The following FARS2 variants were observed in gnomAD, a reference collection of about 807,000 sequenced individuals.
FARS2 encodes the protein phenylalanine--tRNA ligase, mitochondrial.
In FARS2, 40 loss-of-function variants were observed where a neutral mutation model predicts 46.4. That is an observed-to-expected ratio of 0.86 (90% CI 0.67 to 1.12). The LOEUF (loss-of-function observed/expected upper bound fraction) is 1.12, where lower values mean the gene tolerates loss of function less well. Among genes scored for constraint, FARS2 ranks in the 50% most tolerant of loss-of-function variants. FARS2 has a pLI of 0.00. For missense variants in FARS2, 513 were observed against 567.9 expected, an observed-to-expected ratio of 0.90 and a Z score of 0.98; for synonymous variants, 234 against 214.9, an observed-to-expected ratio of 1.09 and a Z score of -0.78.
At chr6:5,520,095 C>T (rs1405296823) in intron 4 of FARS2, among the ~76,000 whole-genome samples, 1 of 152,076 alleles carries the variant, frequency 6.6e-6, no homozygotes, top group East Asian at 1.9e-4. Context: ...CCTCTCTTGG[C>T]CTGGAACTAA....
At position 5,535,001 on chromosome 6, in the gene FARS2, C is replaced by T. The variant is rs78224113; in HGVS notation, c.905-10179C>T. On this transcript the variant is annotated intron_variant, in intron 4 of 6. Coordinates refer to ENST00000274680, the MANE Select transcript of FARS2 (RefSeq NM_006567.5). ...TTCTCAACAGCAATGCACAGGGTTT[C>T]AGTTTCTCCACATCCTTCTCAACAC... Among the ~76,000 whole-genome samples the T allele has an allele frequency of 9.4e-3, 1,432 of 152,320 alleles. 22 individuals carry two copies. The highest frequency in any genetic ancestry group is 0.032 in the African/African-American group (1,349 of 41,554).
chr6:5,327,566 T>G (rs544429255), intron 1 of FARS2, among the ~76,000 whole-genome samples: 1 of 152,170 alleles, frequency 6.6e-6, no homozygotes, highest in South Asian at 2.1e-4. Flanking sequence ...CCTGCCACCA[T>G]GTAAGATATA....
intron 1 of FARS2, among the ~76,000 whole-genome samples, chr6:5,289,499 G>A (rs538263473): frequency 5.9e-5 from 9 of 152,342 alleles, no homozygotes; most frequent in African/African-American, 1.7e-4. Context: ...GGTTCCCACT[G>A]GTTACTTGGT....
At chr6:5,365,363 A>G (rs998083110) in intron 1 of FARS2, among the ~76,000 whole-genome samples, 1 of 106,384 alleles carries the variant, frequency 9.4e-6, no homozygotes, top group African/African-American at 3.8e-5. Context: ...GCAGAGTCTC[A>G]CTCTGTCACC....
intron 5 of FARS2, among the ~76,000 whole-genome samples, chr6:5,585,559 A>T (rs1322388284): frequency 6.6e-6 from 1 of 151,916 alleles, no homozygotes; most frequent in Non-Finnish European, 1.5e-5. Flanking sequence ...TGTAAGTGAG[A>T]TCATGTACTA....
Position 5,554,670 on chromosome 6 carries a change from A to G in FARS2, c.1065+9330A>G, listed in dbSNP as rs369901458. 6.6e-5 allele frequency among the ~76,000 whole-genome samples: 10 copies of G among 152,188 alleles called. No homozygotes were observed. The South Asian group carries it at 1.9e-3, about 28-fold the overall frequency. The stretch of plus-strand genomic sequence containing the variant: ...AGCCATTGAGCTAAATGCTTTGCCT[A>G]TGTTAGAGCTTTTATGCATCACAGT... On this transcript the variant is annotated intron_variant, in intron 5 of 6. Transcript: ENST00000274680.
At chr6:5,460,274 G>A (rs1265717446) in intron 4 of FARS2, among the ~76,000 whole-genome samples, 1 of 152,034 alleles carries the variant, frequency 6.6e-6, no homozygotes, top group African/African-American at 2.4e-5. Flanking sequence ...TGATCTTTTG[G>A]AGATGTCTGT....
chr6:5,402,401 G>A (rs1033494986), intron 2 of FARS2, among the ~76,000 whole-genome samples: 1 of 145,490 alleles, frequency 6.9e-6, no homozygotes, highest in African/African-American at 2.6e-5. Context: ...TGGGGGGTGG[G>A]TGGGAGAAAA....
chr6:5,387,183 G>A (rs1273859304), intron 2 of FARS2, among the ~76,000 whole-genome samples: 1 of 152,144 alleles, frequency 6.6e-6, no homozygotes, highest in African/African-American at 2.4e-5. Flanking sequence ...AGAGGAGAAA[G>A]AGCCTTTGGA....
intron 5 of FARS2, among the ~76,000 whole-genome samples, chr6:5,579,634 C>G (rs1230751229): frequency 6.6e-6 from 1 of 152,294 alleles, no homozygotes; most frequent in Non-Finnish European, 1.5e-5. Flanking sequence ...TATTTTTCCC[C>G]CAAACCAATA....
intron 4 of FARS2, among the ~76,000 whole-genome samples, chr6:5,493,063 G>A (rs1433368720): frequency 1.3e-5 from 2 of 151,932 alleles, no homozygotes; most frequent in Non-Finnish European, 2.9e-5. Context: ...ATTTAGGAAT[G>A]AGCCGCTTAT....
chr6:5,655,140 G>A (rs1162043394), intron 6 of FARS2, among the ~76,000 whole-genome samples: 4 of 152,102 alleles, frequency 2.6e-5, no homozygotes, highest in Non-Finnish European at 5.9e-5. Context: ...AGGGGTTGGT[G>A]GCCCCAACTC....
intron 3 of FARS2, among the ~76,000 whole-genome samples, chr6:5,416,039 A>G (rs1437598581): frequency 6.6e-6 from 1 of 152,072 alleles, no homozygotes; most frequent in East Asian, 1.9e-4. Flanking sequence ...TGAAACTGTG[A>G]ATTTTGGATA....
intron 2 of FARS2, among the ~76,000 whole-genome samples, chr6:5,400,181 T>A (rs1044773101): frequency 1.3e-5 from 2 of 152,204 alleles, no homozygotes; most frequent in African/African-American, 2.4e-5. Context: ...AAGTATTATG[T>A]CAGTGTTATT....
At chr6:5,273,536 T>G (rs1258601727) in intron 1 of FARS2, among the ~76,000 whole-genome samples, 3 of 152,162 alleles carry the variant, frequency 2.0e-5, no homozygotes, top group African/African-American at 7.2e-5. Context: ...TTGAGTTGTT[T>G]GTGCTCATTA....
At chr6:5,250,945 C>G in the FARS2 span, among the ~76,000 whole-genome samples, 1 of 152,152 alleles carries the variant, frequency 6.6e-6, no homozygotes, top group Non-Finnish European at 1.5e-5. Flanking sequence ...TTCTGTAATA[C>G]GATATATGAC....
At position 5,478,237 on chromosome 6, in the gene FARS2, C is replaced by A. The variant is rs116508886; in HGVS notation, c.904+47065C>A. 8.6e-3 allele frequency among the ~76,000 whole-genome samples: 1,313 copies of A among 152,328 alleles called. 8 individuals carry two copies. Among genetic ancestry groups the A allele is most frequent in the African/African-American group, 0.03 (1,252 of 41,564 alleles). On this transcript the variant is annotated intron_variant, in intron 4 of 6. Transcript: ENST00000274680. ...CTCCAGATAATTTCATTAGCCTAAC[C>A]TGTGACCAGTTACTATTTAACCTGG...
At chr6:5,456,001 G>A (rs957041777) in intron 4 of FARS2, among the ~76,000 whole-genome samples, 1 of 152,162 alleles carries the variant, frequency 6.6e-6, no homozygotes, top group Non-Finnish European at 1.5e-5. Flanking sequence ...CAAATTGCTT[G>A]AGCCCAGGAG....
intron 6 of FARS2, among the ~76,000 whole-genome samples, chr6:5,667,255 C>T (rs1171407885): frequency 6.6e-6 from 1 of 152,178 alleles, no homozygotes; most frequent in African/African-American, 2.4e-5. Flanking sequence ...CACAGTGGCT[C>T]ACGCCTGTAA....
Sources: gnomAD v4.1 joint callset for allele counts (sites outside exome capture counted in the v4.1 genomes callset) on GRCh38, gnomAD v4.1.1 for gene constraint, MANE v1.5 for transcripts, NCBI Gene and HGNC (gene_info 2026-07-23, HGNC 2026-07-21) for gene names.